GPM6A: variants seen among roughly 807,000 people sequenced by gnomAD.
The protein encoded by GPM6A is glycoprotein M6A.
A neutral mutation model predicts 32.1 loss-of-function variants in GPM6A; 7 were observed. The observed-to-expected ratio is 0.22, with a 90% CI of 0.12 to 0.41. GPM6A has a LOEUF of 0.41. Among genes scored for constraint, GPM6A ranks in the 10% least tolerant of loss-of-function variants. The pLI is 1.00. For missense variants in GPM6A, 235 were observed against 347.2 expected (o/e 0.68, Z 2.57); for synonymous variants, 130 against 123.4 (o/e 1.05, Z -0.35).
intron 3 of GPM6A, among the ~76,000 whole-genome samples, chr4:175,662,993 A>G (rs2110951470): frequency 6.6e-6 from 1 of 152,250 alleles, no homozygotes. Context: ...AAAAATATAA[A>G]TTTTCCCTAC....
chr4:175,852,388 CAAAT>C (rs199599666), intron 1 of GPM6A, among the ~76,000 whole-genome samples: 3,789 of 152,120 alleles, frequency 0.025, 143 homozygotes, highest in African/African-American at 0.084. Flanking sequence ...CGCCAGAGAC[CAAAT>C]AAAGATTGGC....
chr4:175,785,251 T>C (rs960146166), intron 1 of GPM6A, among the ~76,000 whole-genome samples: 5 of 151,968 alleles, frequency 3.3e-5, no homozygotes, highest in Non-Finnish European at 5.9e-5. Context: ...TGGCGCGGAG[T>C]CTCAGCTAAG....
intron 1 of GPM6A, among the ~76,000 whole-genome samples, chr4:175,749,637 G>A (rs919209395): frequency 6.6e-6 from 1 of 152,106 alleles, no homozygotes; most frequent in Non-Finnish European, 1.5e-5. Context: ...TCGAAGCAGG[G>A]TATAACTTTA....
rs143385835 is a variant in GPM6A, at chr4:175,939,232, A to G, written c.-23+63077T>C. Among the ~76,000 whole-genome samples the G allele has an allele frequency of 8.9e-3, 1,351 of 152,296 alleles. 21 individuals are homozygous for G. The highest frequency in any genetic ancestry group is 0.031 in the African/African-American group (1,271 of 41,570). ...AGTATTGTTCCAGCAAATACAATAA[A>G]TACTACTCAGCTGCTGCAGGGCCAA... is the stretch of plus-strand genomic sequence containing the variant. On this transcript the variant is annotated intron_variant, in intron 1 of 7. Coordinates refer to the GPM6A transcript ENST00000280187.
chr4:175,926,928 A>G (rs1189693390), intron 1 of GPM6A, among the ~76,000 whole-genome samples: 1 of 152,238 alleles, frequency 6.6e-6, no homozygotes, highest in African/African-American at 2.4e-5. Context: ...TTCGCTTTCA[A>G]TTAAAAGTGT....
chr4:175,876,616 G>T (rs917318446), intron 1 of GPM6A, among the ~76,000 whole-genome samples: 1 of 152,056 alleles, frequency 6.6e-6, no homozygotes, highest in African/African-American at 2.4e-5. Flanking sequence ...ATTTGAAAAT[G>T]CCACCTAAGA....
chr4:175,991,231 A>ATTTTT (rs1554007435), intron 1 of GPM6A, among the ~76,000 whole-genome samples: 1 of 119,060 alleles, frequency 8.4e-6, no homozygotes, highest in African/African-American at 2.9e-5. Context: ...ACTCCCAGCT[A>ATTTTT]TTTTTTTTTT....
At chr4:175,795,534 G>A (rs1448565965) in intron 1 of GPM6A, among the ~76,000 whole-genome samples, 2 of 152,022 alleles carry the variant, frequency 1.3e-5, no homozygotes, top group African/African-American at 4.8e-5. Context: ...AGGATTGCTT[G>A]AGACCAGGAG....
intron 1 of GPM6A, among the ~76,000 whole-genome samples, chr4:175,832,189 G>C (rs1301728764): frequency 6.6e-6 from 1 of 151,816 alleles, no homozygotes; most frequent in Non-Finnish European, 1.5e-5. Flanking sequence ...AAGAATTCAG[G>C]AACTCATTTA....
chr4:175,972,588 C>T (rs1740538782), intron 1 of GPM6A, among the ~76,000 whole-genome samples: 2 of 152,144 alleles, frequency 1.3e-5, no homozygotes, highest in Admixed American at 1.3e-4. Context: ...ATTTACGGTG[C>T]TAGGATCTTC....
chr4:175,818,426 C>A (rs1377237097), intron 1 of GPM6A, among the ~76,000 whole-genome samples: 1 of 152,164 alleles, frequency 6.6e-6, no homozygotes, highest in African/African-American at 2.4e-5. Context: ...CTGCAATATA[C>A]ATATAGATAT....
upstream of GPM6A, chr4:175,812,310 T>TTTTTG (rs1734960060): frequency 2.7e-6 from 3 of 1,129,214 alleles, no homozygotes; most frequent in East Asian, 3.9e-5. Context: ...GGTTTTTTTT[T>TTTTTG]TTTTTTTTTT....
intron 1 of GPM6A, among the ~76,000 whole-genome samples, chr4:175,944,062 G>T (rs1739510158): frequency 1.3e-5 from 2 of 152,124 alleles, no homozygotes; most frequent in South Asian, 4.1e-4. Context: ...TTCAGAACTT[G>T]TTATTGGTCT....
intron 6 of GPM6A, among the ~76,000 whole-genome samples, chr4:175,637,858 A>C: frequency 8.2e-6 from 1 of 122,402 alleles, no homozygotes; most frequent in Non-Finnish European, 1.6e-5. Flanking sequence ...TAAAATATAT[A>C]ATCTATTTAT....
chr4:175,847,569 C>A (rs543231115), intron 1 of GPM6A, among the ~76,000 whole-genome samples: 6 of 152,084 alleles, frequency 3.9e-5, no homozygotes, highest in African/African-American at 1.4e-4. Flanking sequence ...GTGTTCAAGT[C>A]ACCCTTATTT....
chr4:175,636,507 T>A (rs1210758884), intron 6 of GPM6A, among the ~76,000 whole-genome samples: 2 of 150,854 alleles, frequency 1.3e-5, no homozygotes, highest in African/African-American at 4.9e-5. Context: ...TAAATATGTA[T>A]AATTGAGGCC....
intron 1 of GPM6A, among the ~76,000 whole-genome samples, chr4:175,990,088 G>A (rs1741092577): frequency 6.6e-6 from 1 of 152,182 alleles, no homozygotes; most frequent in South Asian, 2.1e-4. Flanking sequence ...TACCAGAATT[G>A]TGAATACTTT....
intron 1 of GPM6A, among the ~76,000 whole-genome samples, chr4:175,951,126 A>T (rs950766749): frequency 1.2e-4 from 18 of 152,184 alleles, no homozygotes; most frequent in African/African-American, 4.1e-4. Context: ...CAACACGTCG[A>T]TAAATAATTG....
At chr4:175,744,504 T>A (rs1579451072) in intron 1 of GPM6A, among the ~76,000 whole-genome samples, 1 of 152,050 alleles carries the variant, frequency 6.6e-6, no homozygotes. Flanking sequence ...TATAAAAATT[T>A]AAAACTCAAA....
Sources: gnomAD v4.1 joint callset for allele counts (sites outside exome capture counted in the v4.1 genomes callset) on GRCh38, gnomAD v4.1.1 for gene constraint, MANE v1.5 for transcripts, NCBI Gene and HGNC (gene_info 2026-07-23, HGNC 2026-07-21) for gene names.